CCL17: variants seen among roughly 807,000 people sequenced by gnomAD.
CCL17 encodes C-C motif chemokine ligand 17.
A neutral mutation model predicts 7.4 loss-of-function variants in CCL17; 8 were observed. That is an observed-to-expected ratio of 1.09 (90% CI 0.64 to 1.96). The LOEUF (loss-of-function observed/expected upper bound fraction) is 1.96, where lower values mean the gene tolerates loss of function less well. Among genes scored for constraint, CCL17 ranks in the 30% most tolerant of loss-of-function variants. The pLI is 0.00. For missense variants in CCL17, 102 were observed against 113.0 expected (o/e 0.90, Z 0.44); for synonymous variants, 40 against 46.1 (o/e 0.87, Z 0.54).
chr16:57,408,661 C>T (rs894639365), intron 1 of CCL17, among the ~76,000 whole-genome samples: 4 of 151,006 alleles, frequency 2.6e-5, no homozygotes, highest in Non-Finnish European at 5.9e-5. Context: ...CTCCACCTCC[C>T]GGGTTCAAGC....
In CCL17 at chr16:57,415,501, C is replaced by T. The variant is rs749448827; in HGVS notation, c.189-264C>T. 2.0e-5 allele frequency among the ~76,000 whole-genome samples: 3 copies of T among 152,240 alleles called. No homozygotes were observed. The highest frequency in any genetic ancestry group is 6.5e-5 in the Admixed American group (1 of 15,294). On this transcript the variant is annotated intron_variant, in intron 3 of 3. Transcript: ENST00000219244. The surrounding 1 kb of genome is among the most constrained non-coding windows in gnomAD (Gnocchi z 4.5). ...GCCTGAGCCCTGCCCGCAGTCTCCA[C>T]GTCCCAGGCTCTAGACTGTCTGGGG...
At chr16:57,404,426 A>T (rs1902665538), upstream of CCL17, among the ~76,000 whole-genome samples, 1 of 152,154 alleles carries the variant, frequency 6.6e-6, no homozygotes, top group African/African-American at 2.4e-5. Context: ...CGAGAGGAAG[A>T]GGCGTCAGGG....
At chr16:57,409,781 G>A (rs1245625755) in intron 1 of CCL17, among the ~76,000 whole-genome samples, 1 of 152,162 alleles carries the variant, frequency 6.6e-6, no homozygotes, top group Non-Finnish European at 1.5e-5. Flanking sequence ...CAATGGGCAC[G>A]TCAAGTCTTT....
intron 1 of CCL17, among the ~76,000 whole-genome samples, chr16:57,412,152 A>G (rs1285663629): frequency 6.6e-6 from 1 of 152,224 alleles, no homozygotes; most frequent in Non-Finnish European, 1.5e-5. Flanking sequence ...TCTGTGGGAC[A>G]GACCAAACTT....
chr16:57,397,735 C>T, the CCL17 span, among the ~76,000 whole-genome samples: 2 of 152,212 alleles, frequency 1.3e-5, no homozygotes, highest in African/African-American at 4.8e-5. Context: ...AGCACACTTG[C>T]TATCTGTGTA....
intron 1 of CCL17, among the ~76,000 whole-genome samples, chr16:57,413,261 C>A (rs1225515424): frequency 6.6e-6 from 1 of 152,208 alleles, no homozygotes; most frequent in Non-Finnish European, 1.5e-5. Context: ...GGACACCAAC[C>A]AAAGCTGCTC....
In CCL17 at chr16:57,415,280, G is replaced by A. The variant is rs1044733382; in HGVS notation, c.188+82G>A. ...CCCTGGAGCTCCCAGGACGGCCAAT[G>A]GGGAGCAGGGAAGAGACAGCGGGGC... On this transcript the variant is annotated intron_variant, in intron 3 of 3. Transcript: ENST00000219244. This position sits in a 1 kb window ranked among gnomAD's most constrained non-coding sequence, Gnocchi z 4.5. The A allele has an allele frequency of 8.2e-5, 76 of 921,570 alleles. No individual in the cohort carries two copies. The highest frequency in any genetic ancestry group is 8.3e-5 in the Non-Finnish European group (46 of 553,960). The allele number at this position is 921,570 out of a possible 1,614,324, so 57.1% of individuals were successfully genotyped here. A position where few individuals can be genotyped will look rare whatever the true frequency, so the allele number is the denominator to read the frequency against.
the CCL17 span, among the ~76,000 whole-genome samples, chr16:57,398,515 G>A: frequency 2.6e-5 from 4 of 152,212 alleles, no homozygotes; most frequent in African/African-American, 9.6e-5. Flanking sequence ...CTTGATTAGA[G>A]TATAGAGAGG....
rs761194525 is a variant in CCL17 at position 57,413,907 on chromosome 16, A to C, written c.-26A>C. The C allele has an allele frequency of 6.3e-7, 1 of 1,590,098 alleles. No homozygotes were observed. The highest frequency in any genetic ancestry group is 8.6e-7 in the Non-Finnish European group (1 of 1,167,224). On this transcript the variant is annotated 5_prime_UTR_variant, in exon 2 of 4. Coordinates refer to ENST00000219244, the MANE Select transcript of CCL17 (RefSeq NM_002987.3). The stretch of plus-strand genomic sequence containing the variant: ...CCTGAGCAGAGGGACCTGCACACAG[A>C]GACTCCCTCCTGGGCTCCTGGCACC...
upstream of CCL17, among the ~76,000 whole-genome samples, chr16:57,403,144 CTATAATATA>C (rs1386438820): frequency 1.2e-5 from 1 of 83,184 alleles, no homozygotes. Context: ...ATATTATTAT[CTATAATATA>C]TATAATATAT....
intron 1 of CCL17, among the ~76,000 whole-genome samples, chr16:57,412,825 A>G (rs1469975639): frequency 6.6e-6 from 1 of 152,038 alleles, no homozygotes; most frequent in Admixed American, 6.5e-5. Flanking sequence ...GCGACCGGCA[A>G]TTTCCTCGGG....
At chr16:57,401,966 G>A (rs1223039415), upstream of CCL17, among the ~76,000 whole-genome samples, 1 of 152,254 alleles carries the variant, frequency 6.6e-6, no homozygotes, top group African/African-American at 2.4e-5. Flanking sequence ...ACCTGAGACA[G>A]TGGAGAGAGC....
At chr16:57,403,584 TA>T (rs1902646438), upstream of CCL17, among the ~76,000 whole-genome samples, 1 of 66,910 alleles carries the variant, frequency 1.5e-5, no homozygotes, top group South Asian at 4.0e-4. Context: ...ATAATATATA[TA>T]ATATATATTT....
At chr16:57,408,016 T>C (rs1296531533) in intron 1 of CCL17, among the ~76,000 whole-genome samples, 1 of 150,646 alleles carries the variant, frequency 6.6e-6, no homozygotes, top group African/African-American at 2.5e-5. Flanking sequence ...CATCCATCCA[T>C]CTACCCATCC....
upstream of CCL17, among the ~76,000 whole-genome samples, chr16:57,403,706 G>A (rs576893781): frequency 3.4e-3 from 418 of 123,814 alleles, 3 homozygotes; most frequent in Non-Finnish European, 4.9e-3. Flanking sequence ...GCCCAGGCTG[G>A]AGTGTAGTGG....
chr16:57,398,538 G>A, the CCL17 span, among the ~76,000 whole-genome samples: 28 of 152,134 alleles, frequency 1.8e-4, no homozygotes, highest in African/African-American at 4.6e-4. Context: ...TGGCCATCTC[G>A]CTGTATCTGG....
At position 57,415,681 on chromosome 16, in the gene CCL17, T is replaced by C. The variant is rs1902857158; in HGVS notation, c.189-84T>C. 4.7e-6 allele frequency: 4 copies of C among 843,012 alleles called. No individual in the cohort carries two copies. In the East Asian group the frequency reaches 9.9e-5, roughly 21 times the overall value. The allele number at this position is 843,012 out of a possible 1,614,324, so 52.2% of individuals were successfully genotyped here. The stretch of plus-strand genomic sequence containing the variant: ...TGCCCCTCTTGGAGCCTTGGAATCC[T>C]GGTCAGCACAGGGCGGGCCGTCCCA... On this transcript the variant is annotated intron_variant, in intron 3 of 3. Coordinates refer to ENST00000219244, the MANE Select transcript of CCL17 (RefSeq NM_002987.3). This position sits in a 1 kb window ranked among gnomAD's most constrained non-coding sequence, Gnocchi z 4.5.
chr16:57,405,420 A>C (rs1902679703), intron 1 of CCL17, among the ~76,000 whole-genome samples: 1 of 152,192 alleles, frequency 6.6e-6, no homozygotes, highest in Non-Finnish European at 1.5e-5. Context: ...GCGAGGAATG[A>C]GTCAAGGGCA....
At chr16:57,411,938 C>A (rs1349007087) in intron 1 of CCL17, among the ~76,000 whole-genome samples, 1 of 152,214 alleles carries the variant, frequency 6.6e-6, no homozygotes, top group South Asian at 2.1e-4. Flanking sequence ...TCCCCTCCCC[C>A]TCCTCTGCAC....
Sources: gnomAD v4.1 joint callset for allele counts (sites outside exome capture counted in the v4.1 genomes callset) on GRCh38, gnomAD v4.1.1 for gene constraint, Gnocchi (gnomAD v3.1) non-coding constraint, MANE v1.5 for transcripts, NCBI Gene and HGNC (gene_info 2026-07-23, HGNC 2026-07-21) for gene names.